Variants in CDK14 observed in about 807,000 individuals in gnomAD.
CDK14 encodes the protein cyclin-dependent kinase 14.
CDK14 carries 34 observed loss-of-function variants against 60.7 expected under a neutral mutation model. That is an observed-to-expected ratio of 0.56 (90% CI 0.43 to 0.75). CDK14 has a LOEUF of 0.75. Among genes scored for constraint, CDK14 ranks in the 30% least tolerant of loss-of-function variants. CDK14 has a pLI of 0.00. For synonymous variants in CDK14, 197 were observed against 203.7 expected, an observed-to-expected ratio of 0.97 and a Z score of 0.28; for missense variants, 482 against 564.1, an observed-to-expected ratio of 0.85 and a Z score of 1.47.
chr7:91,167,810 T>C (rs562128828), intron 14 of CDK14, among the ~76,000 whole-genome samples: 16 of 152,234 alleles, frequency 1.1e-4, no homozygotes, highest in African/African-American at 3.9e-4. Flanking sequence ...CTTAAAAAAA[T>C]GGGAAAAGAA....
At chr7:90,709,210 A>T (rs1251039581) in intron 2 of CDK14, 2 of 290,506 alleles carry the variant, frequency 6.9e-6, no homozygotes, top group African/African-American at 2.2e-5. Context: ...ACTTCTCATC[A>T]TACTCCATTT....
At chr7:90,612,753 C>CAG in intron 2 of CDK14, among the ~76,000 whole-genome samples, 1 of 122,350 alleles carries the variant, frequency 8.2e-6, no homozygotes, top group South Asian at 2.6e-4. Flanking sequence ...GCCCGGGTGA[C>CAG]AGAGAGAGAC....
At chr7:90,744,814 G>C (rs1367332899) in intron 3 of CDK14, among the ~76,000 whole-genome samples, 1 of 97,168 alleles carries the variant, frequency 1.0e-5, no homozygotes, top group African/African-American at 3.9e-5. Flanking sequence ...CCGGGCGGGG[G>C]GCTGACGCCC....
chr7:90,747,065 C>A (rs1803624233), intron 3 of CDK14, among the ~76,000 whole-genome samples: 1 of 152,074 alleles, frequency 6.6e-6, no homozygotes, highest in Non-Finnish European at 1.5e-5. Flanking sequence ...AACCATGAAA[C>A]AATATGCAGG....
At position 91,093,308 on chromosome 7, in the gene CDK14, A is replaced by G. The variant is rs1420630226; in HGVS notation, c.1154+13828A>G. On this transcript the variant is annotated intron_variant, in intron 12 of 14. Transcript: ENST00000380050. ...ACCTGAGGCCAGCATCCTGGTGCCT[A>G]CTAGGCAGGAGGAAATCAAGATGTA... 2.0e-5 allele frequency among the ~76,000 whole-genome samples: 3 copies of G among 152,348 alleles called. No homozygotes were observed. The South Asian group carries it at 6.2e-4, about 32-fold the overall frequency.
At chr7:91,136,933 G>A (rs1189312465) in intron 14 of CDK14, among the ~76,000 whole-genome samples, 1 of 152,184 alleles carries the variant, frequency 6.6e-6, no homozygotes, top group Non-Finnish European at 1.5e-5. Context: ...AAATTCGCAT[G>A]AGCCATCTTC....
Position 90,955,360 on chromosome 7 carries a change from C to A in CDK14, c.827-337C>A, listed in dbSNP as rs1794380646. 2.0e-5 allele frequency among the ~76,000 whole-genome samples: 3 copies of A among 152,066 alleles called. No homozygotes were observed. In the South Asian group the frequency reaches 6.2e-4, roughly 32 times the overall value. On this transcript the variant is annotated intron_variant, in intron 8 of 14. Transcript: ENST00000380050. ...TTTCTCAGTTATTTGACCAAGGAAC[C>A]CTTTCTCACAATACTTATAAATCTG...
chr7:90,706,523 AG>A (rs1801899715), intron 2 of CDK14, among the ~76,000 whole-genome samples: 1 of 152,172 alleles, frequency 6.6e-6, no homozygotes, highest in African/African-American at 2.4e-5. Flanking sequence ...TTTACATTCT[AG>A]TGGGGAAGGA....
chr7:90,597,833 GTTTTTTT>G (rs11351927), intron 1 of CDK14, among the ~76,000 whole-genome samples: 2,459 of 138,634 alleles, frequency 0.018, 27 homozygotes, highest in Middle Eastern at 0.029. Context: ...ATTTAGCCAA[GTTTTTTT>G]TTTTTTTTTT....
At chr7:90,971,409 C>T (rs368028526) in intron 9 of CDK14, among the ~76,000 whole-genome samples, 1 of 152,114 alleles carries the variant, frequency 6.6e-6, no homozygotes, top group East Asian at 1.9e-4. Context: ...AATTACTCTG[C>T]CTGACTTCTC....
At chr7:90,771,438 A>G (rs926359034) in intron 4 of CDK14, among the ~76,000 whole-genome samples, 2 of 152,184 alleles carry the variant, frequency 1.3e-5, no homozygotes, top group African/African-American at 4.8e-5. Context: ...TCTTATGACC[A>G]AAAGGAATGA....
rs572088915 is a variant in CDK14, at chr7:91,140,843, A to G, written c.*28+22635A>G. On this transcript the variant is annotated intron_variant, in intron 14 of 14. Coordinates refer to ENST00000380050, the MANE Select transcript of CDK14 (RefSeq NM_001287135.2). Reference sequence around the variant, plus strand: ...CAAATTTCATGAAGTCTGTATAAATAAAAGACAGACGTATTCGAGATCTTT... The same window carrying G: ...CAAATTTCATGAAGTCTGTATAAATGAAAGACAGACGTATTCGAGATCTTT... 7.5e-4 allele frequency among the ~76,000 whole-genome samples: 114 copies of G among 152,324 alleles called. 1 individual carries two copies. Among genetic ancestry groups the G allele is most frequent in the Middle Eastern group, 3.4e-3 (1 of 294 alleles).
intron 10 of CDK14, among the ~76,000 whole-genome samples, chr7:91,001,369 C>A (rs939271276): frequency 6.6e-6 from 1 of 152,092 alleles, no homozygotes; most frequent in South Asian, 2.1e-4. Context: ...TCTCAGAATA[C>A]GTATCTTTGA....
Position 91,031,981 on chromosome 7 carries a change from A to G in CDK14, c.1042-13916A>G, listed in dbSNP as rs1477423656. On this transcript the variant is annotated intron_variant, in intron 10 of 14. Coordinates refer to ENST00000380050, the MANE Select transcript of CDK14 (RefSeq NM_001287135.2). ...AGTCTTTGCCGGCCTTGCATACATA[A>G]GCCTCTCTTTGTGAGTCAATCGAGA... Among the ~76,000 whole-genome samples the G allele has an allele frequency of 7.2e-5, 11 of 152,218 alleles. No individual in the cohort carries two copies. The East Asian group carries it at 1.5e-3, about 21-fold the overall frequency.
chr7:90,816,095 G>T (rs1317090866), intron 5 of CDK14, among the ~76,000 whole-genome samples: 1 of 152,116 alleles, frequency 6.6e-6, no homozygotes, highest in African/African-American at 2.4e-5. Context: ...TAAAAAAAGG[G>T]CCATAGTGGT....
intron 8 of CDK14, among the ~76,000 whole-genome samples, chr7:90,923,746 TC>T (rs1266737148): frequency 3.3e-5 from 5 of 152,262 alleles, no homozygotes; most frequent in African/African-American, 7.2e-5. Flanking sequence ...CAGAGGGATT[TC>T]ATTATGCAAA....
chr7:90,841,829 C>A (rs1790303752), intron 5 of CDK14, among the ~76,000 whole-genome samples: 1 of 151,938 alleles, frequency 6.6e-6, no homozygotes, highest in Non-Finnish European at 1.5e-5. Context: ...CATGGAGTGC[C>A]CACTCTGTGT....
intron 2 of CDK14, among the ~76,000 whole-genome samples, chr7:90,701,447 A>G (rs1405780947): frequency 6.6e-6 from 1 of 152,212 alleles, no homozygotes; most frequent in African/African-American, 2.4e-5. Context: ...TACTCAATTT[A>G]GTACAAATTT....
chr7:90,765,616 T>A (rs1163842395), intron 4 of CDK14, among the ~76,000 whole-genome samples: 1 of 151,442 alleles, frequency 6.6e-6, no homozygotes, highest in Admixed American at 6.6e-5. Flanking sequence ...TTTTTTTTTT[T>A]AAGAATGTTA....
Sources: gnomAD v4.1 joint callset for allele counts (sites outside exome capture counted in the v4.1 genomes callset) on GRCh38, gnomAD v4.1.1 for gene constraint, MANE v1.5 for transcripts, NCBI Gene and HGNC (gene_info 2026-07-23, HGNC 2026-07-21) for gene names.